The following TMEM232 variants were observed in gnomAD, a reference collection of about 807,000 sequenced individuals.
TMEM232 encodes the protein transmembrane protein 232.
TMEM232 carries 80 observed loss-of-function variants against 78.8 expected under a neutral mutation model. The ratio of observed to expected loss-of-function variants is 1.01; its 90% CI spans 0.85 to 1.22. TMEM232 has a LOEUF of 1.22. TMEM232 is among the 50% of genes most tolerant of loss of function. The pLI, the probability that TMEM232 is intolerant of heterozygous loss-of-function variation, is 0.00. For missense variants in TMEM232, 881 were observed against 742.2 expected (o/e 1.19, Z -2.17); for synonymous variants, 297 against 254.3 (o/e 1.17, Z -1.60).
chr5:110,654,235 G>A (rs1788720372), intron 2 of TMEM232, among the ~76,000 whole-genome samples: 1 of 152,150 alleles, frequency 6.6e-6, no homozygotes, highest in East Asian at 1.9e-4. Context: ...TGCCAGCTGG[G>A]CCAATTCAGG....
chr5:110,639,950 A>G (rs559931259), intron 4 of TMEM232, among the ~76,000 whole-genome samples: 1 of 152,312 alleles, frequency 6.6e-6, no homozygotes, highest in South Asian at 2.1e-4. Context: ...CCAATTCCTA[A>G]CAGACCACAG....
chr5:110,453,717 C>T (rs926107388), intron 12 of TMEM232, among the ~76,000 whole-genome samples: 6 of 152,036 alleles, frequency 3.9e-5, no homozygotes, highest in African/African-American at 1.4e-4. Flanking sequence ...CTGCAGACTA[C>T]TTTGGTATAA....
At chr5:110,690,081 G>A (rs920751149) in intron 1 of TMEM232, among the ~76,000 whole-genome samples, 1 of 152,144 alleles carries the variant, frequency 6.6e-6, no homozygotes, top group Non-Finnish European at 1.5e-5. Flanking sequence ...CATGGGCAAA[G>A]GCTTCATGAC....
At chr5:110,729,290 G>A (rs901541848), upstream of TMEM232, among the ~76,000 whole-genome samples, 2 of 152,260 alleles carry the variant, frequency 1.3e-5, no homozygotes, top group South Asian at 2.1e-4. Context: ...ATAACCTCAT[G>A]CATGCTCTTC....
intron 4 of TMEM232, among the ~76,000 whole-genome samples, chr5:110,640,038 A>C (rs571507233): frequency 1.3e-5 from 2 of 152,332 alleles, no homozygotes; most frequent in African/African-American, 2.4e-5. Flanking sequence ...CGGGTTGGGC[A>C]AGGGCCAGTC....
At chr5:110,552,009 G>A (rs1402471188) in intron 11 of TMEM232, among the ~76,000 whole-genome samples, 2 of 151,962 alleles carry the variant, frequency 1.3e-5, no homozygotes, top group Non-Finnish European at 2.9e-5. Context: ...CACATAGAAG[G>A]AAATTGAGCA....
At chr5:110,664,475 T>C (rs534962814) in intron 2 of TMEM232, among the ~76,000 whole-genome samples, 2 of 152,348 alleles carry the variant, frequency 1.3e-5, no homozygotes, top group South Asian at 2.1e-4. Flanking sequence ...ACAATTACTA[T>C]AGTTGAAAGC....
intron 10 of TMEM232, among the ~76,000 whole-genome samples, chr5:110,596,014 G>C (rs1780115424): frequency 6.6e-6 from 1 of 152,076 alleles, no homozygotes; most frequent in South Asian, 2.1e-4. Context: ...AATTGTTAAG[G>C]GCAGCCAGAG....
chr5:110,557,536 G>A (rs1775242102), intron 11 of TMEM232, among the ~76,000 whole-genome samples: 1 of 152,178 alleles, frequency 6.6e-6, no homozygotes, highest in Non-Finnish European at 1.5e-5. Flanking sequence ...TGGTTAAGCA[G>A]CCTATACAGG....
intron 1 of TMEM232, among the ~76,000 whole-genome samples, chr5:110,711,910 T>A (rs1329528719): frequency 6.6e-6 from 1 of 151,656 alleles, no homozygotes; most frequent in African/African-American, 2.4e-5. Flanking sequence ...AACAAGACCA[T>A]ACCGGCTAAC....
intron 3 of TMEM232, among the ~76,000 whole-genome samples, chr5:110,641,899 G>A (rs1370968409): frequency 6.6e-6 from 1 of 152,136 alleles, no homozygotes; most frequent in Non-Finnish European, 1.5e-5. Flanking sequence ...TACAGAGAAA[G>A]AACAGAGTAC....
intron 1 of TMEM232, among the ~76,000 whole-genome samples, chr5:110,687,221 T>A (rs967313471): frequency 1.8e-4 from 28 of 152,134 alleles, no homozygotes; most frequent in African/African-American, 5.8e-4. Flanking sequence ...GTATAGCTAA[T>A]CAACACTTTA....
chr5:110,698,587 T>C (rs932947214), intron 1 of TMEM232, among the ~76,000 whole-genome samples: 15 of 152,008 alleles, frequency 9.9e-5, no homozygotes, highest in Admixed American at 3.3e-4. Context: ...CACAAAAGCA[T>C]TGTGTTTGAT....
At chr5:110,730,086 T>A (rs2150374560), upstream of TMEM232, among the ~76,000 whole-genome samples, 1 of 152,330 alleles carries the variant, frequency 6.6e-6, no homozygotes, top group South Asian at 2.1e-4. Flanking sequence ...ATGAAACTAT[T>A]AGTAAGTTAC....
At chr5:110,589,500 T>A (rs78066663) in intron 10 of TMEM232, among the ~76,000 whole-genome samples, 1 of 152,184 alleles carries the variant, frequency 6.6e-6, no homozygotes, top group Non-Finnish European at 1.5e-5. Flanking sequence ...TTTCATTGAA[T>A]GGACCATCTA....
intron 12 of TMEM232, among the ~76,000 whole-genome samples, chr5:110,527,698 A>G (rs1581089366): frequency 6.6e-6 from 1 of 152,126 alleles, no homozygotes; most frequent in East Asian, 1.9e-4. Context: ...TCAGTGTGCA[A>G]TCTATTAATC....
intron 1 of TMEM232, among the ~76,000 whole-genome samples, chr5:110,737,253 A>C (rs1382505064): frequency 6.6e-6 from 1 of 151,730 alleles, no homozygotes; most frequent in Non-Finnish European, 1.5e-5. Context: ...AACTGTATGG[A>C]TATACACTTT....
chr5:110,536,272 C>A (rs1772342031), intron 11 of TMEM232, among the ~76,000 whole-genome samples: 1 of 152,206 alleles, frequency 6.6e-6, no homozygotes, highest in East Asian at 1.9e-4. Context: ...AGTAAGGGAA[C>A]TGAGCCCTTT....
At chr5:110,402,346 A>G (rs1279758709) in intron 2 of TMEM232, among the ~76,000 whole-genome samples, 5 of 152,130 alleles carry the variant, frequency 3.3e-5, no homozygotes, top group African/African-American at 1.2e-4. Context: ...GTATTGACTT[A>G]TAGAAATGGC....
Sources: allele counts gnomAD v4.1 joint callset (sites outside exome capture counted in the v4.1 genomes callset), GRCh38; gene constraint gnomAD v4.1.1; transcripts MANE v1.5; gene names NCBI Gene and HGNC (gene_info 2026-07-23, HGNC 2026-07-21).